The following DCC variants were observed in gnomAD, a reference collection of about 807,000 sequenced individuals.
DCC encodes DCC netrin 1 receptor.
Under a neutral mutation model 172.5 loss-of-function variants are expected in DCC, and 58 were observed. That is an observed-to-expected ratio of 0.34 (90% CI 0.27 to 0.42). The LOEUF (loss-of-function observed/expected upper bound fraction) is 0.42, where lower values mean the gene tolerates loss of function less well. Among genes scored for constraint, DCC ranks in the 10% least tolerant of loss-of-function variants. DCC has a pLI of 1.00. For missense variants in DCC, 1,740 were observed against 1,791.0 expected, an observed-to-expected ratio of 0.97 and a Z score of 0.51; for synonymous variants, 709 against 644.5, an observed-to-expected ratio of 1.10 and a Z score of -1.52.
chr18:53,028,255 GT>G (rs951512932), intron 5 of DCC, among the ~76,000 whole-genome samples: 4 of 151,904 alleles, frequency 2.6e-5, no homozygotes, highest in Non-Finnish European at 5.9e-5. Context: ...CACTCTTTTC[GT>G]TTTGTTTTGA....
chr18:53,391,807 C>G lies in DCC; in HGVS notation c.2608C>G (p.Pro870Ala), dbSNP rs1399802412. The G allele has an allele frequency of 6.2e-7, 1 of 1,614,056 alleles. No individual in the cohort carries two copies. The highest frequency in any genetic ancestry group is 8.5e-7 in the Non-Finnish European group (1 of 1,179,974). ...GGTCAGCTGGGCAGACAACTCTGTC[C>G]CTAAGAACCAAAAGACGTCTGAGGT... ...VRVSWADNSV[P>A]KNQKTSEVRL... The change falls in exon 17 of 29, where the codon CCT (proline) becomes GCT (alanine). Residue 870 changes from proline to alanine, a missense_variant. Transcript: ENST00000442544.
At chr18:53,092,080 A>G (rs1431786590) in intron 7 of DCC, among the ~76,000 whole-genome samples, 2 of 152,178 alleles carry the variant, frequency 1.3e-5, no homozygotes, top group Non-Finnish European at 2.9e-5. Context: ...AGAATGCTAT[A>G]GAATAACATG....
intron 12 of DCC, among the ~76,000 whole-genome samples, chr18:53,259,351 G>C (rs187835982): frequency 6.6e-6 from 1 of 152,218 alleles, no homozygotes; most frequent in Non-Finnish European, 1.5e-5. Context: ...TCTGGTACCA[G>C]TTGTTCCTTT....
In DCC at chr18:52,391,817, C is replaced by G. The variant is rs184036909; in HGVS notation, c.91+50939C>G. Among the ~76,000 whole-genome samples, 171 of 152,232 alleles carry G rather than the reference C, an allele frequency of 1.1e-3. 1 individual carries two copies. The South Asian group carries it at 0.018, about 16-fold the overall frequency. On this transcript the variant is annotated intron_variant, in intron 1 of 28. Coordinates refer to ENST00000442544, the MANE Select transcript of DCC (RefSeq NM_005215.4). The stretch of plus-strand genomic sequence containing the variant: ...TGGGGGTAGGGTGACTGGAAATATA[C>G]TTAACCTGCTTATGCCATCATATGG...
chr18:53,153,763 G>C (rs911239467), intron 7 of DCC, among the ~76,000 whole-genome samples: 4 of 152,172 alleles, frequency 2.6e-5, no homozygotes, highest in African/African-American at 9.7e-5. Flanking sequence ...AGATGAGTGA[G>C]AGGGGCTTGT....
intron 5 of DCC, among the ~76,000 whole-genome samples, chr18:52,964,631 G>T (rs1214376495): frequency 6.6e-6 from 1 of 152,076 alleles, no homozygotes; most frequent in Non-Finnish European, 1.5e-5. Context: ...AATCACCAGA[G>T]ATTTCTTAAA....
At chr18:52,798,889 A>AG (rs1246411105) in intron 2 of DCC, among the ~76,000 whole-genome samples, 3 of 151,794 alleles carry the variant, frequency 2.0e-5, no homozygotes, top group African/African-American at 7.3e-5. Context: ...AGTAGTTGGG[A>AG]GGTGCCTGCC....
chr18:52,575,017 GA>G (rs2144765471), intron 1 of DCC, among the ~76,000 whole-genome samples: 1 of 152,236 alleles, frequency 6.6e-6, no homozygotes, highest in South Asian at 2.1e-4. Flanking sequence ...TCACTGCAAT[GA>G]AAAACAGCAT....
chr18:52,739,152 A>G (rs921848897), intron 1 of DCC, among the ~76,000 whole-genome samples: 2 of 152,294 alleles, frequency 1.3e-5, no homozygotes, highest in Non-Finnish European at 2.9e-5. Context: ...TTTCAGCTCC[A>G]CTACAAGCTT....
chr18:52,533,165 A>G (rs1294685399), intron 1 of DCC, among the ~76,000 whole-genome samples: 2 of 152,168 alleles, frequency 1.3e-5, no homozygotes, highest in African/African-American at 4.8e-5. Flanking sequence ...ATCATCTTAC[A>G]TCACCATAGC....
Position 52,927,159 on chromosome 18 carries a change from G to GTA in DCC, c.985+1795_985+1796dup, listed in dbSNP as rs370435029. 1.6e-3 allele frequency among the ~76,000 whole-genome samples: 31 copies of GTA among 19,726 alleles called. 8 individuals carry two copies. The South Asian group carries it at 0.032, about 21-fold the overall frequency. The allele number at this position is 19,726 out of a possible 152,430, so 12.9% of individuals were successfully genotyped here. A position where few individuals can be genotyped will look rare whatever the true frequency, so the allele number is the denominator to read the frequency against. Reference sequence around the variant, plus strand: ...TACGTGTATATATGTGTATATATACGTATATATGTGTATATATGTGTATAT... The same window carrying GTA: ...TACGTGTATATATGTGTATATATACGTATATATATGTGTATATATGTGTATAT... On this transcript the variant is annotated intron_variant, in intron 5 of 28. Coordinates refer to ENST00000442544, the MANE Select transcript of DCC (RefSeq NM_005215.4).
chr18:53,433,865 T>C (rs1319316911), intron 21 of DCC, among the ~76,000 whole-genome samples: 1 of 152,158 alleles, frequency 6.6e-6, no homozygotes, highest in African/African-American at 2.4e-5. Flanking sequence ...AACATGCCGT[T>C]TTATGCTGAA....
chr18:53,320,700 T>C (rs2057401257), intron 13 of DCC, among the ~76,000 whole-genome samples: 1 of 152,196 alleles, frequency 6.6e-6, no homozygotes, highest in African/African-American at 2.4e-5. Context: ...ACCTAATGTT[T>C]TCTTTATGTT....
intron 1 of DCC, among the ~76,000 whole-genome samples, chr18:52,550,391 T>G (rs763337651): frequency 6.6e-6 from 1 of 151,986 alleles, no homozygotes; most frequent in Non-Finnish European, 1.5e-5. Context: ...GTATGGATTT[T>G]ATTTTAAAAC....
intron 2 of DCC, among the ~76,000 whole-genome samples, chr18:52,811,332 G>A (rs557697135): frequency 5.7e-4 from 87 of 152,222 alleles, no homozygotes; most frequent in South Asian, 1.0e-3. Flanking sequence ...TGTTATGGGC[G>A]ACATTCATTA....
At position 53,066,061 on chromosome 18, in the gene DCC, C is replaced by G. The variant is rs748884864; in HGVS notation, c.1156C>G (p.Arg386Gly). 1 of 1,613,036 alleles carries G rather than the reference C, an allele frequency of 6.2e-7. No homozygotes were observed. Among genetic ancestry groups the G allele is most frequent in the East Asian group, 2.2e-5 (1 of 44,822 alleles). ...TTTTCCCTAGGGAGGAAGCAACTTA[C>G]GGATACTTGGGGTGGTGAAGTCAGA... is the stretch of plus-strand genomic sequence containing the variant. ...YFQIVGGSNL[R>G]ILGVVKSDEG... The change falls in exon 7 of 29, where the codon CGG becomes GGG. Residue 386 changes from arginine to glycine, a missense_variant. Arg to Gly is a moderately radical substitution (Grantham distance 125). Coordinates refer to ENST00000442544, the MANE Select transcript of DCC (RefSeq NM_005215.4).
At chr18:52,983,890 C>T (rs577813676) in intron 5 of DCC, among the ~76,000 whole-genome samples, 1 of 152,052 alleles carries the variant, frequency 6.6e-6, no homozygotes, top group Non-Finnish European at 1.5e-5. Context: ...AATGACTGGT[C>T]GTTTTTCATT....
At chr18:52,833,292 C>T (rs2038649114) in intron 2 of DCC, among the ~76,000 whole-genome samples, 1 of 152,124 alleles carries the variant, frequency 6.6e-6, no homozygotes, top group African/African-American at 2.4e-5. Flanking sequence ...CTTGGGAAGG[C>T]TAATGCATCT....
chr18:52,495,768 AT>A (rs199884010), intron 1 of DCC, among the ~76,000 whole-genome samples: 9,157 of 144,646 alleles, frequency 0.063, 344 homozygotes, highest in South Asian at 0.13. Context: ...TTATTTATGT[AT>A]TTTTTTTTTT....
Sources: allele counts gnomAD v4.1 joint callset (sites outside exome capture counted in the v4.1 genomes callset), GRCh38; gene constraint gnomAD v4.1.1; transcripts MANE v1.5; gene names NCBI Gene and HGNC (gene_info 2026-07-23, HGNC 2026-07-21).